DPYD: variants seen among roughly 807,000 people sequenced by gnomAD.
DPYD encodes dihydropyrimidine dehydrogenase [NADP(+)].
Under a neutral mutation model 116.2 loss-of-function variants are expected in DPYD, and 109 were observed. The ratio of observed to expected loss-of-function variants is 0.94; its 90% CI spans 0.80 to 1.10. The LOEUF is 1.10. DPYD is among the 50% of genes least tolerant of loss of function. The pLI is 0.00. For missense variants in DPYD, 1,302 were observed against 1,254.5 expected (o/e 1.04, Z -0.57); for synonymous variants, 440 against 432.0 (o/e 1.02, Z -0.23).
chr1:97,779,333 A>G (rs990793397), intron 3 of DPYD, among the ~76,000 whole-genome samples: 2 of 152,006 alleles, frequency 1.3e-5, no homozygotes, highest in African/African-American at 4.8e-5. Context: ...ACACACAAAG[A>G]CTTACAAGCT....
chr1:97,428,937 T>C (rs1031911752), intron 14 of DPYD, among the ~76,000 whole-genome samples: 1 of 152,062 alleles, frequency 6.6e-6, no homozygotes, highest in Non-Finnish European at 1.5e-5. Flanking sequence ...AAATAGGGTA[T>C]TAAATTTTTT....
At chr1:97,361,928 C>A (rs1053583274) in intron 16 of DPYD, among the ~76,000 whole-genome samples, 10 of 152,128 alleles carry the variant, frequency 6.6e-5, no homozygotes, top group South Asian at 2.1e-4. Context: ...ACTCCTATTA[C>A]ACATAGTGTT....
At chr1:97,315,878 C>T (rs1667800469) in intron 16 of DPYD, among the ~76,000 whole-genome samples, 1 of 151,756 alleles carries the variant, frequency 6.6e-6, no homozygotes. Context: ...AATTTTTTTC[C>T]TAGAAAAAGA....
chr1:97,910,487 T>C (rs535220761), intron 1 of DPYD, among the ~76,000 whole-genome samples: 1 of 152,190 alleles, frequency 6.6e-6, no homozygotes, highest in South Asian at 2.1e-4. Context: ...AAAGGATGAA[T>C]CTGTAGTATT....
In DPYD at chr1:97,288,659, C is replaced by T. The variant is rs570623770; in HGVS notation, c.2299+16600G>A. On this transcript the variant is annotated intron_variant, in intron 18 of 22. Coordinates refer to ENST00000370192, the MANE Select transcript of DPYD (RefSeq NM_000110.4). ...CCAACGAGAACAAAGACACAACATA[C>T]CAGACTCTCTGGGACACATTCAAAG... 3.5e-5 allele frequency among the ~76,000 whole-genome samples: 5 copies of T among 142,368 alleles called. No individual in the cohort carries two copies. The East Asian group carries it at 8.6e-4, about 24-fold the overall frequency. The allele number at this position is 142,368 out of a possible 152,430, so 93.4% of individuals were successfully genotyped here.
intron 14 of DPYD, among the ~76,000 whole-genome samples, chr1:97,445,725 ATTT>A (rs35500519): frequency 7.2e-6 from 1 of 138,420 alleles, no homozygotes; most frequent in Non-Finnish European, 1.5e-5. Context: ...AAATTGTCTG[ATTT>A]TTTTTTTTTT....
intron 18 of DPYD, among the ~76,000 whole-genome samples, chr1:97,288,011 AC>A (rs1665846042): frequency 6.6e-6 from 1 of 150,976 alleles, no homozygotes; most frequent in South Asian, 2.1e-4. Flanking sequence ...CAAATGGAAA[AC>A]AAAAAAAGGC....
intron 12 of DPYD, among the ~76,000 whole-genome samples, chr1:97,541,914 A>C (rs901999412): frequency 3.3e-5 from 5 of 152,210 alleles, no homozygotes; most frequent in African/African-American, 1.2e-4. Context: ...GGACTCCACT[A>C]ATATCACATT....
chr1:97,834,063 G>T (rs1179918011), intron 2 of DPYD, among the ~76,000 whole-genome samples: 1 of 152,038 alleles, frequency 6.6e-6, no homozygotes, highest in Admixed American at 6.6e-5. Context: ...TATCAGGGAG[G>T]ATGATTTCAC....
At chr1:97,195,519 GGAGAGA>G (rs3050245) in intron 19 of DPYD, among the ~76,000 whole-genome samples, 5,645 of 74,744 alleles carry the variant, frequency 0.076, 363 homozygotes, top group South Asian at 0.19. Flanking sequence ...AATGGGATAA[GGAGAGA>G]GAGAGAGAGA....
intron 20 of DPYD, among the ~76,000 whole-genome samples, chr1:97,115,118 C>T (rs920965812): frequency 6.6e-6 from 1 of 152,172 alleles, no homozygotes; most frequent in African/African-American, 2.4e-5. Context: ...GAAGTCATTA[C>T]TGCTTATACA....
At chr1:97,619,769 G>A (rs1285726872) in intron 8 of DPYD, among the ~76,000 whole-genome samples, 1 of 152,008 alleles carries the variant, frequency 6.6e-6, no homozygotes, top group Non-Finnish European at 1.5e-5. Flanking sequence ...GAAATTTGAA[G>A]GTAACTTTTT....
At chr1:97,251,554 T>G (rs956254713) in intron 18 of DPYD, among the ~76,000 whole-genome samples, 1 of 152,108 alleles carries the variant, frequency 6.6e-6, no homozygotes, top group South Asian at 2.1e-4. Flanking sequence ...TTTATGGTGG[T>G]GTTGCTCTTG....
chr1:97,174,135 G>A (rs1657083547), intron 20 of DPYD, among the ~76,000 whole-genome samples: 1 of 152,140 alleles, frequency 6.6e-6, no homozygotes, highest in East Asian at 1.9e-4. Flanking sequence ...GTTTGTATAA[G>A]GGTAGGTAGG....
At chr1:97,629,394 T>C (rs1403136898) in intron 8 of DPYD, among the ~76,000 whole-genome samples, 2 of 152,010 alleles carry the variant, frequency 1.3e-5, no homozygotes, top group East Asian at 1.9e-4. Flanking sequence ...TAGGAGCCAA[T>C]GTAGGACACA....
Position 97,257,452 on chromosome 1 carries a change from T to TATATATATAGAG in DPYD, c.2300-22459_2300-22458insCTCTATATATAT, listed in dbSNP as rs375490078. Among the ~76,000 whole-genome samples, 323 of 126,450 alleles carry TATATATATAGAG rather than the reference T, an allele frequency of 2.6e-3. 2 individuals are homozygous for TATATATATAGAG. Among genetic ancestry groups the TATATATATAGAG allele is most frequent in the African/African-American group, 9.2e-3 (292 of 31,786 alleles). 83.0% of individuals were successfully genotyped at this position (126,450 alleles called of 152,430 possible). ...ATACATACGTATATATATATATATA[T>TATATATATAGAG]AGAGAGAGAGAAAGAGAGAGAGAGC... On this transcript the variant is annotated intron_variant, in intron 18 of 22. Coordinates refer to ENST00000370192, the MANE Select transcript of DPYD (RefSeq NM_000110.4).
At chr1:97,615,204 C>T (rs1656191744) in intron 8 of DPYD, among the ~76,000 whole-genome samples, 1 of 152,132 alleles carries the variant, frequency 6.6e-6, no homozygotes, top group Non-Finnish European at 1.5e-5. Flanking sequence ...ACATCTTCCA[C>T]TGGTTGGGCT....
chr1:97,448,313 T>C (rs562803349), intron 14 of DPYD, among the ~76,000 whole-genome samples: 114 of 152,334 alleles, frequency 7.5e-4, no homozygotes, highest in African/African-American at 2.7e-3. Context: ...CAAGTTCAAA[T>C]TCTAGCTTCA....
intron 16 of DPYD, among the ~76,000 whole-genome samples, chr1:97,308,943 G>A (rs774958693): frequency 3.3e-5 from 5 of 151,828 alleles, no homozygotes; most frequent in Non-Finnish European, 5.9e-5. Flanking sequence ...AACAATTATT[G>A]ACTGCTCTAT....
Sources: allele counts gnomAD v4.1 joint callset (sites outside exome capture counted in the v4.1 genomes callset), GRCh38; gene constraint gnomAD v4.1.1; transcripts MANE v1.5; gene names NCBI Gene and HGNC (gene_info 2026-07-23, HGNC 2026-07-21).